The following NFIB variants were observed in gnomAD, a reference collection of about 807,000 sequenced individuals.
NFIB encodes the protein nuclear factor 1 B-type.
A neutral mutation model predicts 61.5 loss-of-function variants in NFIB; 11 were observed. That is an observed-to-expected ratio of 0.18 (90% CI 0.11 to 0.30). The LOEUF (loss-of-function observed/expected upper bound fraction) is 0.30, where lower values mean the gene tolerates loss of function less well. NFIB is among the 10% of genes least tolerant of loss of function. The pLI is 1.00. For synonymous variants in NFIB, 260 were observed against 216.5 expected (o/e 1.20, Z -1.76); for missense variants, 471 against 608.9 (o/e 0.77, Z 2.38).
intron 2 of NFIB, among the ~76,000 whole-genome samples, chr9:14,273,083 AAAG>A (rs1421111238): frequency 6.6e-6 from 1 of 152,184 alleles, no homozygotes; most frequent in Non-Finnish European, 1.5e-5. Context: ...CGCCAGGGAG[AAAG>A]AAGATCACTC....
At chr9:14,249,004 A>G (rs1247429278) in intron 2 of NFIB, among the ~76,000 whole-genome samples, 2 of 152,188 alleles carry the variant, frequency 1.3e-5, no homozygotes, top group Non-Finnish European at 2.9e-5. Flanking sequence ...TACATCAGAG[A>G]ATAATCTCCC....
chr9:14,306,859 C>G (rs2060045323), intron 2 of NFIB, 130 bp downstream of exon 2: 11 of 1,132,632 alleles, frequency 9.7e-6, no homozygotes, highest in Non-Finnish European at 1.0e-5. Flanking sequence ...AGCGGACACC[C>G]TACTATACCC....
chr9:14,091,510 G>A (rs2118562471), intron 10 of NFIB, among the ~76,000 whole-genome samples: 1 of 152,068 alleles, frequency 6.6e-6, no homozygotes, highest in East Asian at 1.9e-4. Context: ...AATTCATAGT[G>A]AGAATTACTA....
the NFIB span, among the ~76,000 whole-genome samples, chr9:14,516,598 G>A: frequency 3.3e-5 from 5 of 152,080 alleles, no homozygotes; most frequent in South Asian, 4.1e-4. Context: ...CCATATGCCC[G>A]GTCCTTAATC....
intron 1 of NFIB, among the ~76,000 whole-genome samples, chr9:14,345,576 A>G (rs187550339): frequency 7.2e-5 from 11 of 152,276 alleles, no homozygotes; most frequent in African/African-American, 2.2e-4. Context: ...TTATCTTCGA[A>G]GCAAACGCAA....
At chr9:14,395,829 T>A (rs2061678936) in intron 1 of NFIB, among the ~76,000 whole-genome samples, 1 of 140,280 alleles carries the variant, frequency 7.1e-6, no homozygotes, top group South Asian at 2.6e-4. Context: ...TGGTGTCCCA[T>A]CTGTTCCTGC....
intron 2 of NFIB, among the ~76,000 whole-genome samples, chr9:14,289,596 C>CACATACATAT (rs1222687456): frequency 1.3e-5 from 2 of 151,654 alleles, no homozygotes; most frequent in African/African-American, 4.8e-5. Context: ...CATATATATG[C>CACATACATAT]ACATACATAT....
the NFIB span, among the ~76,000 whole-genome samples, chr9:14,425,773 C>T: frequency 6.6e-6 from 1 of 151,920 alleles, no homozygotes; most frequent in African/African-American, 2.4e-5. Flanking sequence ...ACTACAGAGA[C>T]CTAGTTTCAT....
chr9:14,330,546 C>T (rs893208135), intron 1 of NFIB, among the ~76,000 whole-genome samples: 4 of 152,116 alleles, frequency 2.6e-5, no homozygotes, highest in Admixed American at 2.0e-4. Context: ...GAATGATGAT[C>T]CATGTCTGTT....
intron 1 of NFIB, among the ~76,000 whole-genome samples, chr9:14,366,116 G>C (rs1178183057): frequency 2.0e-5 from 3 of 152,156 alleles, no homozygotes; most frequent in Admixed American, 6.5e-5. Flanking sequence ...TTGATCTACA[G>C]TTGCATTATA....
chr9:14,296,132 C>A (rs78645381), intron 2 of NFIB, among the ~76,000 whole-genome samples: 2,900 of 152,280 alleles, frequency 0.019, 103 homozygotes, highest in East Asian at 0.12. Flanking sequence ...AAATGATGAC[C>A]CTCTGCTTCA....
chr9:14,210,443 G>A (rs1440158827), intron 2 of NFIB, among the ~76,000 whole-genome samples: 1 of 151,894 alleles, frequency 6.6e-6, no homozygotes, highest in Non-Finnish European at 1.5e-5. Context: ...TAAAACCCTT[G>A]AGTTTGAGAA....
chr9:14,095,685 T>C (rs1420407632), intron 10 of NFIB, among the ~76,000 whole-genome samples: 1 of 152,196 alleles, frequency 6.6e-6, no homozygotes, highest in Non-Finnish European at 1.5e-5. Flanking sequence ...GATTCTTTTA[T>C]AAATGATTTT....
At chr9:14,283,108 T>C (rs900596785) in intron 2 of NFIB, among the ~76,000 whole-genome samples, 1 of 152,170 alleles carries the variant, frequency 6.6e-6, no homozygotes, top group Non-Finnish European at 1.5e-5. Context: ...ACCACATAAA[T>C]ATCAAATCCA....
At chr9:14,434,035 A>C in the NFIB span, among the ~76,000 whole-genome samples, 5 of 152,218 alleles carry the variant, frequency 3.3e-5, no homozygotes, top group Non-Finnish European at 7.3e-5. Context: ...GCTGAGCACT[A>C]AGCTTTCTCT....
intron 2 of NFIB, among the ~76,000 whole-genome samples, chr9:14,190,006 C>G (rs2047773869): frequency 6.6e-6 from 1 of 151,998 alleles, no homozygotes; most frequent in African/African-American, 2.4e-5. Flanking sequence ...AAGTCATATT[C>G]TTATTTTTTC....
chr9:14,198,092 T>C (rs2048647381), intron 2 of NFIB, among the ~76,000 whole-genome samples: 1 of 152,164 alleles, frequency 6.6e-6, no homozygotes, highest in African/African-American at 2.4e-5. Context: ...TGGCTCAGGT[T>C]TAGGCACTTT....
intron 2 of NFIB, among the ~76,000 whole-genome samples, chr9:14,190,426 GA>G (rs541223601): frequency 3.9e-5 from 6 of 152,170 alleles, no homozygotes; most frequent in African/African-American, 1.4e-4. Flanking sequence ...AATATTAGAG[GA>G]AAAAAATCAG....
chr9:14,268,201 C>G (rs1037658593), intron 2 of NFIB, among the ~76,000 whole-genome samples: 1 of 152,004 alleles, frequency 6.6e-6, no homozygotes, highest in Non-Finnish European at 1.5e-5. Flanking sequence ...AATTTAAAAG[C>G]CTGGCTTAAA....
Sources: gnomAD v4.1 joint callset for allele counts (sites outside exome capture counted in the v4.1 genomes callset) on GRCh38, gnomAD v4.1.1 for gene constraint, MANE v1.5 for transcripts, NCBI Gene and HGNC (gene_info 2026-07-23, HGNC 2026-07-21) for gene names.